NRXN1: variants seen among roughly 807,000 people sequenced by gnomAD.
NRXN1 encodes neurexin-1.
Under a neutral mutation model 150.9 loss-of-function variants are expected in NRXN1, and 39 were observed. That is an observed-to-expected ratio of 0.26 (90% CI 0.20 to 0.34). The LOEUF (loss-of-function observed/expected upper bound fraction) is 0.34. NRXN1 is among the 10% of genes least tolerant of loss of function. The pLI, the probability that NRXN1 is intolerant of heterozygous loss-of-function variation, is 1.00. For synonymous variants in NRXN1, 924 were observed against 757.0 expected, an observed-to-expected ratio of 1.22 and a Z score of -3.62; for missense variants, 1,815 against 1,949.9, an observed-to-expected ratio of 0.93 and a Z score of 1.30.
chr2:50,739,474 C>T (rs777215866), intron 5 of NRXN1, among the ~76,000 whole-genome samples: 24 of 152,064 alleles, frequency 1.6e-4, no homozygotes, highest in Admixed American at 3.3e-4. Flanking sequence ...CAATTTTATA[C>T]GTTTTAAACT....
intron 17 of NRXN1, among the ~76,000 whole-genome samples, chr2:50,282,414 T>C (rs1007299265): frequency 6.6e-6 from 1 of 152,182 alleles, no homozygotes; most frequent in African/African-American, 2.4e-5. Flanking sequence ...CAGGTCCACT[T>C]AAATACAAAT....
At chr2:50,519,819 T>C (rs1052258773) in intron 12 of NRXN1, among the ~76,000 whole-genome samples, 1 of 151,918 alleles carries the variant, frequency 6.6e-6, no homozygotes, top group Non-Finnish European at 1.5e-5. Flanking sequence ...AGAATCATGG[T>C]ATAATTTCCA....
intron 5 of NRXN1, among the ~76,000 whole-genome samples, chr2:50,802,402 G>C (rs1707719775): frequency 6.6e-6 from 1 of 152,006 alleles, no homozygotes; most frequent in African/African-American, 2.4e-5. Context: ...TGAGGCAGGA[G>C]AATCACTTGC....
At chr2:50,357,407 C>T (rs1341297083) in intron 17 of NRXN1, among the ~76,000 whole-genome samples, 1 of 151,996 alleles carries the variant, frequency 6.6e-6, no homozygotes, top group African/African-American at 2.4e-5. Context: ...CTCCTGGGTT[C>T]AGACGATTCT....
Position 50,953,020 on chromosome 2 carries a change from C to T in NRXN1, c.773-27065G>A, listed in dbSNP as rs534870484. 6.2e-4 allele frequency among the ~76,000 whole-genome samples: 95 copies of T among 152,106 alleles called. 1 individual carries two copies. The highest frequency in any genetic ancestry group is 1.1e-3 in the Non-Finnish European group (77 of 68,030). On this transcript the variant is annotated intron_variant, in intron 2 of 22. Coordinates refer to ENST00000401669, the MANE Select transcript of NRXN1 (RefSeq NM_001330078.2). ...ATCAATATATATGGAGGAGAAAATA[C>T]TAAGAGAGAGGAACACTGTCACCCT...
chr2:50,439,158 G>C (rs996350194), intron 17 of NRXN1, among the ~76,000 whole-genome samples: 1 of 152,164 alleles, frequency 6.6e-6, no homozygotes, highest in Non-Finnish European at 1.5e-5. Flanking sequence ...AATACCTCCA[G>C]CACTAAGAGT....
At position 50,538,455 on chromosome 2, in the gene NRXN1, C is replaced by T; in HGVS notation, c.1941G>A (p.Leu647=). Residue 647 remains leucine (L), a synonymous_variant, in exon 10 of 23, where the codon TTG becomes TTA. Coordinates refer to ENST00000401669, the MANE Select transcript of NRXN1 (RefSeq NM_001330078.2). ...TATCTTTGCTTTGGCCATCGATGAA[C>T]AAATCCCTGATGCAGCCCACGTAGC... The part of the protein sequence containing the change: ...NYGYVGCIRD[L]FIDGQSKDIR... The T allele has an allele frequency of 6.2e-7, 1 of 1,613,908 alleles. No homozygotes were observed. The highest frequency in any genetic ancestry group is 8.5e-7 in the Non-Finnish European group (1 of 1,179,860).
chr2:50,904,456 GTTCTC>G (rs1456110225), intron 5 of NRXN1, among the ~76,000 whole-genome samples: 1 of 152,050 alleles, frequency 6.6e-6, no homozygotes, highest in Non-Finnish European at 1.5e-5. Flanking sequence ...TGGTAAAATG[GTTCTC>G]TTCTAAGTAG....
At chr2:50,252,258 C>CTT (rs143522284) in intron 17 of NRXN1, among the ~76,000 whole-genome samples, 775 of 69,726 alleles carry the variant, frequency 0.011, 49 homozygotes, top group African/African-American at 0.044. Flanking sequence ...TTTTTCTTTT[C>CTT]TTTTTTTTTT....
At chr2:50,090,843 G>C (rs1699462014) in intron 19 of NRXN1, among the ~76,000 whole-genome samples, 1 of 151,872 alleles carries the variant, frequency 6.6e-6, no homozygotes, top group Non-Finnish European at 1.5e-5. Context: ...TTTCTCACTA[G>C]TTCTCTACTT....
At chr2:50,315,869 T>C (rs1434102633) in intron 17 of NRXN1, among the ~76,000 whole-genome samples, 1 of 152,094 alleles carries the variant, frequency 6.6e-6, no homozygotes, top group Non-Finnish European at 1.5e-5. Flanking sequence ...AAATTACTGG[T>C]GACAGTTTCC....
rs562064806 is a variant in NRXN1, at chr2:50,484,195, G to A, written c.3070+11710C>T. ...AAAAACTTACAGACATTGCCAAAGA[G>A]CTTTCAAAATATTATGAGCTTCCTG... On this transcript the variant is annotated intron_variant, in intron 15 of 22. Coordinates refer to ENST00000401669, the MANE Select transcript of NRXN1 (RefSeq NM_001330078.2). Among the ~76,000 whole-genome samples the A allele has an allele frequency of 3.3e-5, 5 of 152,250 alleles. No homozygotes were observed. In the South Asian group the frequency reaches 1.0e-3, roughly 32 times the overall value.
intron 5 of NRXN1, among the ~76,000 whole-genome samples, chr2:50,703,470 G>C (rs891898875): frequency 6.6e-6 from 1 of 152,014 alleles, no homozygotes; most frequent in African/African-American, 2.4e-5. Context: ...AAGAAGGAAA[G>C]GTAAAGATGT....
chr2:49,942,921 T>C (rs1320430479), intron 22 of NRXN1, among the ~76,000 whole-genome samples: 1 of 152,132 alleles, frequency 6.6e-6, no homozygotes, highest in Non-Finnish European at 1.5e-5. Flanking sequence ...AGAACATTAT[T>C]GAATTTAAAT....
chr2:50,976,604 A>C lies in NRXN1; in HGVS notation c.773-50649T>G, dbSNP rs186471759. ...AAAAATATTAGGGGACCAAGTAGTT[A>C]ATGTCTATATTAATAAAGGAAAAGT... is the stretch of plus-strand genomic sequence containing the variant. On this transcript the variant is annotated intron_variant, in intron 2 of 22. Coordinates refer to ENST00000401669, the MANE Select transcript of NRXN1 (RefSeq NM_001330078.2). 8.8e-4 allele frequency among the ~76,000 whole-genome samples: 134 copies of C among 152,128 alleles called. 1 individual carries two copies. Among genetic ancestry groups the C allele is most frequent in the African/African-American group, 3.0e-3 (125 of 41,538 alleles).
chr2:50,509,880 G>A (rs2092383639), intron 12 of NRXN1, among the ~76,000 whole-genome samples: 1 of 152,076 alleles, frequency 6.6e-6, no homozygotes, highest in South Asian at 2.1e-4. Context: ...GAGAAGGTGG[G>A]GCCTTCAAGA....
chr2:50,762,156 T>C (rs1314949741), intron 5 of NRXN1, among the ~76,000 whole-genome samples: 1 of 150,798 alleles, frequency 6.6e-6, no homozygotes, highest in Non-Finnish European at 1.5e-5. Context: ...CACACACATC[T>C]ATCCTATTAG....
chr2:50,088,695 A>C (rs1699146758), intron 19 of NRXN1, among the ~76,000 whole-genome samples: 1 of 152,206 alleles, frequency 6.6e-6, no homozygotes, highest in South Asian at 2.1e-4. Context: ...ACAATTATTT[A>C]ATTGGCAAAT....
intron 17 of NRXN1, among the ~76,000 whole-genome samples, chr2:50,253,019 G>C (rs758187694): frequency 2.6e-5 from 4 of 152,096 alleles, no homozygotes; most frequent in Non-Finnish European, 4.4e-5. Flanking sequence ...CCATTTTCAT[G>C]ATATTGATTC....
Sources: allele counts gnomAD v4.1 joint callset (sites outside exome capture counted in the v4.1 genomes callset), GRCh38; gene constraint gnomAD v4.1.1; transcripts MANE v1.5; gene names NCBI Gene and HGNC (gene_info 2026-07-23, HGNC 2026-07-21).